GRM1: variants seen among roughly 807,000 people sequenced by gnomAD.
GRM1 encodes metabotropic glutamate receptor 1.
Under a neutral mutation model 90.9 loss-of-function variants are expected in GRM1, and 33 were observed. The ratio of observed to expected loss-of-function variants is 0.36; its 90% CI spans 0.28 to 0.49. The LOEUF is 0.49. GRM1 is among the 20% of genes least tolerant of loss of function. The pLI, the probability that GRM1 is intolerant of heterozygous loss-of-function variation, is 0.99. For missense variants in GRM1, 1,190 were observed against 1,534.3 expected (o/e 0.78, Z 3.75); for synonymous variants, 700 against 613.2 (o/e 1.14, Z -2.09).
At chr6:146,328,875 A>G (rs1203484846) in intron 3 of GRM1, among the ~76,000 whole-genome samples, 1 of 152,162 alleles carries the variant, frequency 6.6e-6, no homozygotes, top group Non-Finnish European at 1.5e-5. Flanking sequence ...AGGAGAAAAG[A>G]CCCCATGACC....
intron 2 of GRM1, among the ~76,000 whole-genome samples, chr6:146,290,971 A>C (rs1782959376): frequency 6.6e-6 from 1 of 152,166 alleles, no homozygotes; most frequent in South Asian, 2.1e-4. Context: ...TGTGGTAGGC[A>C]CAATAATGAC....
chr6:146,079,407 G>T (rs934167574), intron 1 of GRM1, among the ~76,000 whole-genome samples: 1 of 152,040 alleles, frequency 6.6e-6, no homozygotes, highest in African/African-American at 2.4e-5. Flanking sequence ...GTAAAAAGGG[G>T]GTACTCTGCC....
At chr6:146,196,454 A>AT (rs1779123413) in intron 2 of GRM1, among the ~76,000 whole-genome samples, 2 of 132,008 alleles carry the variant, frequency 1.5e-5, no homozygotes, top group South Asian at 4.9e-4. Flanking sequence ...TGCCCGGCTA[A>AT]TTTTTTGTAT....
intron 1 of GRM1, among the ~76,000 whole-genome samples, chr6:146,133,775 G>C (rs1357697874): frequency 6.6e-6 from 1 of 152,184 alleles, no homozygotes; most frequent in Non-Finnish European, 1.5e-5. Flanking sequence ...GCAACATGAC[G>C]CCTCAGCTGC....
At chr6:146,065,257 TGCTGGTGTAGGTTCAG>T (rs1237691890) in intron 1 of GRM1, among the ~76,000 whole-genome samples, 3 of 152,172 alleles carry the variant, frequency 2.0e-5, no homozygotes, top group Admixed American at 2.0e-4. Flanking sequence ...AATGGTCTTG[TGCTGGTGTAGGTTCAG>T]GCTATGTGTG....
At chr6:146,205,073 T>A (rs1779448265) in intron 2 of GRM1, among the ~76,000 whole-genome samples, 1 of 152,228 alleles carries the variant, frequency 6.6e-6, no homozygotes, top group African/African-American at 2.4e-5. Context: ...ATATTCTGCA[T>A]TTAATCTATT....
chr6:146,251,531 A>G (rs182356168), intron 2 of GRM1, among the ~76,000 whole-genome samples: 9 of 152,328 alleles, frequency 5.9e-5, no homozygotes, highest in Admixed American at 1.3e-4. Flanking sequence ...CAGCCTTGCT[A>G]TATATATCTG....
chr6:146,327,668 G>T (rs1784439941), intron 3 of GRM1, among the ~76,000 whole-genome samples: 1 of 152,168 alleles, frequency 6.6e-6, no homozygotes, highest in Non-Finnish European at 1.5e-5. Flanking sequence ...CTGAAGCTAT[G>T]CAAGTTCCTC....
chr6:146,391,627 A>C (rs942124360), intron 6 of GRM1, among the ~76,000 whole-genome samples: 3 of 152,094 alleles, frequency 2.0e-5, no homozygotes, highest in African/African-American at 4.8e-5. Context: ...TGGACAAATG[A>C]CATTACAGCT....
chr6:146,358,378 A>G (rs1383324460), intron 5 of GRM1, among the ~76,000 whole-genome samples: 1 of 152,182 alleles, frequency 6.6e-6, no homozygotes, highest in Non-Finnish European at 1.5e-5. Context: ...ATCCCAGGCT[A>G]TTTAAAACCA....
chr6:146,199,789 A>G (rs1779240253), intron 2 of GRM1, among the ~76,000 whole-genome samples: 1 of 152,236 alleles, frequency 6.6e-6, no homozygotes, highest in South Asian at 2.1e-4. Context: ...AGGCCAAGGA[A>G]GGCAAATCAC....
chr6:146,159,451 G>A lies in GRM1; in HGVS notation c.804G>A (p.Lys268=). The A allele has an allele frequency of 6.2e-7, 1 of 1,614,216 alleles. No individual in the cohort carries two copies. The highest frequency in any genetic ancestry group is 1.1e-5 in the South Asian group (1 of 91,088). Residue 268 remains lysine, a synonymous_variant, in exon 2 of 8, where the codon AAG becomes AAA. Transcript: ENST00000282753. ...SDKIYSNAGE[K]SFDRLLRKLR... ...AAATCTACAGCAACGCTGGGGAGAA[G>A]AGCTTTGACCGACTCTTGCGCAAAC...
chr6:146,226,531 T>C (rs1243944120), intron 2 of GRM1, among the ~76,000 whole-genome samples: 1 of 152,034 alleles, frequency 6.6e-6, no homozygotes, highest in Non-Finnish European at 1.5e-5. Flanking sequence ...CCATCTGGAG[T>C]AACACAATGC....
chr6:146,260,283 A>C (rs1583235503), intron 2 of GRM1, among the ~76,000 whole-genome samples: 1 of 152,194 alleles, frequency 6.6e-6, no homozygotes, highest in Middle Eastern at 3.4e-3. Flanking sequence ...TAGTTTGCTG[A>C]GAATGATGGT....
chr6:146,110,775 A>C (rs1775527397), intron 1 of GRM1, among the ~76,000 whole-genome samples: 1 of 152,182 alleles, frequency 6.6e-6, no homozygotes, highest in Non-Finnish European at 1.5e-5. Context: ...ATGCCAAACT[A>C]GATGTTTAGA....
At chr6:146,105,601 C>T (rs6928590) in intron 1 of GRM1, among the ~76,000 whole-genome samples, 7,156 of 151,350 alleles carry the variant, frequency 0.047, 551 homozygotes, top group African/African-American at 0.16. Context: ...TCTAAAAGGA[C>T]AGGCAATTCA....
intron 1 of GRM1, among the ~76,000 whole-genome samples, chr6:146,147,198 A>G (rs1777144217): frequency 6.6e-6 from 1 of 152,230 alleles, no homozygotes; most frequent in South Asian, 2.1e-4. Context: ...ATTAAAGAAG[A>G]ACAGAGGAAT....
At chr6:146,336,326 G>T (rs559713123) in intron 3 of GRM1, among the ~76,000 whole-genome samples, 22 of 152,316 alleles carry the variant, frequency 1.4e-4, no homozygotes, top group African/African-American at 5.1e-4. Context: ...AGGAGAGGAA[G>T]TAAGCTAAGA....
intron 7 of GRM1, among the ~76,000 whole-genome samples, chr6:146,408,562 G>T (rs1449567625): frequency 1.3e-5 from 2 of 152,118 alleles, no homozygotes; most frequent in African/African-American, 4.8e-5. Flanking sequence ...GAAGGTATAT[G>T]AAAGTTCTTA....
Sources: allele counts gnomAD v4.1 joint callset (sites outside exome capture counted in the v4.1 genomes callset), GRCh38; gene constraint gnomAD v4.1.1; transcripts MANE v1.5; gene names NCBI Gene and HGNC (gene_info 2026-07-23, HGNC 2026-07-21).